The following PCDH15 variants were observed in gnomAD, a reference collection of about 807,000 sequenced individuals.
The protein encoded by PCDH15 is protocadherin-15.
Under a neutral mutation model 178.5 loss-of-function variants are expected in PCDH15, and 129 were observed. The observed-to-expected ratio is 0.72, with a 90% CI of 0.63 to 0.84. The LOEUF (loss-of-function observed/expected upper bound fraction) is 0.84. PCDH15 is among the 40% of genes least tolerant of loss of function. The pLI is 0.00. For missense variants in PCDH15, 2,230 were observed against 2,099.9 expected, an observed-to-expected ratio of 1.06 and a Z score of -1.21; for synonymous variants, 800 against 732.0, an observed-to-expected ratio of 1.09 and a Z score of -1.50.
chr10:54,699,701 T>G (rs2095282363), intron 1 of PCDH15, among the ~76,000 whole-genome samples: 1 of 152,052 alleles, frequency 6.6e-6, no homozygotes, highest in Non-Finnish European at 1.5e-5. Context: ...TTCCTTATAT[T>G]GAATGTCAGG....
chr10:54,718,082 G>A (rs1021860882), intron 1 of PCDH15, among the ~76,000 whole-genome samples: 5 of 149,704 alleles, frequency 3.3e-5, no homozygotes, highest in African/African-American at 1.2e-4. Context: ...GGACACAGGA[G>A]GGTGAACATC....
intron 35 of PCDH15, among the ~76,000 whole-genome samples, chr10:53,814,946 G>C (rs528217658): frequency 2.3e-4 from 32 of 140,824 alleles, no homozygotes; most frequent in Non-Finnish European, 3.8e-4. Flanking sequence ...CCTGGCGATG[G>C]AACAAGAATC....
At chr10:54,404,441 A>C (rs1344890547) in intron 3 of PCDH15, among the ~76,000 whole-genome samples, 1 of 152,142 alleles carries the variant, frequency 6.6e-6, no homozygotes, top group Non-Finnish European at 1.5e-5. Context: ...TATTTAGTAA[A>C]TGTGTAGGGA....
At chr10:55,220,117 C>G (rs893961465) in intron 1 of PCDH15, among the ~76,000 whole-genome samples, 2 of 151,842 alleles carry the variant, frequency 1.3e-5, no homozygotes, top group African/African-American at 4.8e-5. Flanking sequence ...ATACTTAAGG[C>G]CCTATGTCTT....
intron 28 of PCDH15, among the ~76,000 whole-genome samples, chr10:53,851,671 AATATATATATATATATATATAT>A (rs71004485): frequency 0.031 from 3,261 of 104,548 alleles, 107 homozygotes; most frequent in East Asian, 0.06. Flanking sequence ...TCCTCCTAGA[AATATATATATATATATATATAT>A]ATATATATAT....
intron 3 of PCDH15, among the ~76,000 whole-genome samples, chr10:54,889,397 T>G (rs1954419179): frequency 6.6e-6 from 1 of 151,328 alleles, no homozygotes; most frequent in Non-Finnish European, 1.5e-5. Flanking sequence ...AATTAAAAAT[T>G]CAACCTTTCC....
chr10:55,598,531 T>C (rs1390402982), intron 2 of PCDH15, among the ~76,000 whole-genome samples: 5 of 32,534 alleles, frequency 1.5e-4, no homozygotes, highest in African/African-American at 2.2e-4. Flanking sequence ...TATATATATA[T>C]ATATATATAT....
chr10:55,626,955 TGA>T (rs1054425641), intron 2 of PCDH15, among the ~76,000 whole-genome samples: 3 of 148,100 alleles, frequency 2.0e-5, no homozygotes, highest in African/African-American at 5.0e-5. Context: ...AGAAAGAAAA[TGA>T]GAGAGAGAGA....
chr10:53,897,117 G>A (rs952417000), intron 26 of PCDH15, among the ~76,000 whole-genome samples: 1 of 152,070 alleles, frequency 6.6e-6, no homozygotes, highest in African/African-American at 2.4e-5. Flanking sequence ...AGTTAATGAT[G>A]TTCAACTAAT....
At chr10:54,736,555 T>C (rs889550180) in intron 1 of PCDH15, among the ~76,000 whole-genome samples, 4 of 152,106 alleles carry the variant, frequency 2.6e-5, no homozygotes, top group African/African-American at 9.7e-5. Flanking sequence ...ATAAAATTCA[T>C]GTTTCTAACA....
At chr10:55,224,882 G>T (rs948661893) in intron 1 of PCDH15, among the ~76,000 whole-genome samples, 2 of 151,934 alleles carry the variant, frequency 1.3e-5, no homozygotes, top group African/African-American at 4.8e-5. Flanking sequence ...CTGCCTGTTT[G>T]TGTAGTTGGA....
intron 2 of PCDH15, among the ~76,000 whole-genome samples, chr10:55,421,138 T>C (rs1426206790): frequency 6.6e-6 from 1 of 151,396 alleles, no homozygotes; most frequent in Non-Finnish European, 1.5e-5. Flanking sequence ...ATATATAAGA[T>C]GCTGCCAAAA....
At chr10:54,125,150 GT>G (rs72058465) in intron 15 of PCDH15, among the ~76,000 whole-genome samples, 4,395 of 149,576 alleles carry the variant, frequency 0.029, 224 homozygotes, top group African/African-American at 0.1. Context: ...CAAATGTGTG[GT>G]TTTTTTTTTC....
chr10:54,717,895 A>C lies in PCDH15; in HGVS notation c.-28-53605T>G, dbSNP rs1041106405. Among the ~76,000 whole-genome samples, 9 of 144,628 alleles carry C rather than the reference A, an allele frequency of 6.2e-5. No homozygotes were observed. In the South Asian group the frequency reaches 6.6e-4, roughly 11 times the overall value. The allele number at this position is 144,628 out of a possible 152,430, so 94.9% of individuals were successfully genotyped here. A position where few individuals can be genotyped will look rare whatever the true frequency, so the allele number is the denominator to read the frequency against. On this transcript the variant is annotated intron_variant, in intron 1 of 37. Transcript: ENST00000644397. ...AACAATGATAAACTGGATTAAGAAAATGTGGCACATATACACCATGGAATA... is the reference window on the plus strand; with the variant it reads ...AACAATGATAAACTGGATTAAGAAACTGTGGCACATATACACCATGGAATA...
chr10:54,084,226 C>G (rs941848462), intron 16 of PCDH15, among the ~76,000 whole-genome samples: 1 of 151,846 alleles, frequency 6.6e-6, no homozygotes, highest in Admixed American at 6.6e-5. Context: ...GCTGGGATTA[C>G]AGGTTCCCTG....
intron 8 of PCDH15, among the ~76,000 whole-genome samples, chr10:54,254,560 A>C (rs1256161498): frequency 6.6e-6 from 1 of 152,152 alleles, no homozygotes; most frequent in East Asian, 1.9e-4. Context: ...TCTGAATCAC[A>C]AACAGAATAG....
At chr10:55,179,184 C>A (rs74136387) in intron 1 of PCDH15, among the ~76,000 whole-genome samples, 1,858 of 152,158 alleles carry the variant, frequency 0.012, 38 homozygotes, top group African/African-American at 0.043. Flanking sequence ...CTTAGATAGG[C>A]CTCTGAGAGA....
chr10:54,182,186 C>A (rs1320630494), intron 13 of PCDH15, among the ~76,000 whole-genome samples: 1 of 152,158 alleles, frequency 6.6e-6, no homozygotes, highest in African/African-American at 2.4e-5. Context: ...AGGCTGGTCT[C>A]GAGCTCCTTA....
chr10:55,507,776 CACAG>C (rs1456522224), intron 2 of PCDH15, among the ~76,000 whole-genome samples: 3 of 151,430 alleles, frequency 2.0e-5, no homozygotes, highest in African/African-American at 7.3e-5. Flanking sequence ...AAAGCTTAGT[CACAG>C]AAAAGATAAT....
Sources: gnomAD v4.1 joint callset for allele counts (sites outside exome capture counted in the v4.1 genomes callset) on GRCh38, gnomAD v4.1.1 for gene constraint, MANE v1.5 for transcripts, NCBI Gene and HGNC (gene_info 2026-07-23, HGNC 2026-07-21) for gene names.